Variants in SPPL2B observed in about 807,000 individuals in gnomAD.
SPPL2B encodes the protein signal peptide peptidase like 2B.
A neutral mutation model predicts 59.7 loss-of-function variants in SPPL2B; 39 were observed. That is an observed-to-expected ratio of 0.65 (90% CI 0.51 to 0.85). SPPL2B has a LOEUF of 0.85. Ranked by LOEUF, SPPL2B falls within the 40% of genes least tolerant of loss-of-function variation. The probability of loss-of-function intolerance (pLI) is 0.00; values close to 1 mark genes in which losing one functional copy is unlikely to be tolerated. For missense variants in SPPL2B, 865 were observed against 849.0 expected, an observed-to-expected ratio of 1.02 and a Z score of -0.23; for synonymous variants, 419 against 370.8, an observed-to-expected ratio of 1.13 and a Z score of -1.49.
chr19:2,335,742 C>A (rs1473057303), intron 2 of SPPL2B, among the ~76,000 whole-genome samples: 2 of 151,204 alleles, frequency 1.3e-5, no homozygotes, highest in Non-Finnish European at 2.9e-5. Context: ...CGCCTCCTTT[C>A]CCACTGAGTC....
intron 1 of SPPL2B, among the ~76,000 whole-genome samples, chr19:2,334,292 G>A (rs1342784095): frequency 2.0e-5 from 3 of 152,260 alleles, no homozygotes; most frequent in Non-Finnish European, 4.4e-5. Context: ...GATCCTGGGA[G>A]GCCCAGGAGG....
chr19:2,335,905 A>G (rs1968572241), intron 2 of SPPL2B, among the ~76,000 whole-genome samples: 1 of 152,190 alleles, frequency 6.6e-6, no homozygotes, highest in Non-Finnish European at 1.5e-5. Context: ...GGACATGCTC[A>G]TGTGTCTGCA....
In SPPL2B at chr19:2,328,729, C is replaced by T. The variant is rs1172788367; in HGVS notation, c.20C>T (p.Ala7Val). The change falls in exon 1 of 15, where the codon GCT (alanine) becomes GTT (valine). Residue 7 changes from alanine (A) to valine (V), a missense_variant. Ala to Val is a moderately conservative substitution (Grantham distance 64). Coordinates refer to ENST00000613503, the MANE Select transcript of SPPL2B (RefSeq NM_152988.3). ...GCCGACATGGCGGCAGCGGTGGCGG[C>T]TGCGCTGGCGCGGCTTTTGGCGGCC... MAAAVAAALARLLAAFL... is the reference protein window; with the variant it reads MAAAVAVALARLLAAFL... 13 of 1,457,692 alleles carry T rather than the reference C, an allele frequency of 8.9e-6. No individual in the cohort carries two copies. The highest frequency in any genetic ancestry group is 3.0e-5 in the African/African-American group (2 of 67,132). The allele number at this position is 1,457,692 out of a possible 1,614,324, so 90.3% of individuals were successfully genotyped here.
intron 8 of SPPL2B, chr19:2,341,383 AG>A (rs113430469): frequency 2.7e-4 from 129 of 480,726 alleles, no homozygotes; most frequent in African/African-American, 1.9e-3. Context: ...TTCGAGGCCC[AG>A]GGTGTGGGCA....
intron 2 of SPPL2B, among the ~76,000 whole-genome samples, chr19:2,336,326 T>C (rs1257044588): frequency 6.6e-6 from 1 of 151,800 alleles, no homozygotes; most frequent in Non-Finnish European, 1.5e-5. Flanking sequence ...AGCTACATAA[T>C]AGTTATGTTT....
chr19:2,349,822 G>C (rs1969788113), intron 13 of SPPL2B, among the ~76,000 whole-genome samples: 2 of 126,662 alleles, frequency 1.6e-5, no homozygotes, highest in Non-Finnish European at 3.3e-5. Context: ...GCTTGACTCT[G>C]TTCTCTCTCT....
chr19:2,339,728 G>A (rs1968899270), intron 5 of SPPL2B, 96 bp from the exon 6 acceptor site: 2 of 1,461,834 alleles, frequency 1.4e-6, no homozygotes, highest in African/African-American at 2.8e-5. Context: ...CCTGCTCCCG[G>A]GTTTTCTGCC....
In SPPL2B at chr19:2,354,393, C is replaced by G. The variant is rs542813961; in HGVS notation, c.*1184C>G. The G allele has an allele frequency of 6.6e-6, 1 of 152,464 alleles. No individual in the cohort carries two copies. Among genetic ancestry groups the G allele is most frequent in the African/African-American group, 2.4e-5 (1 of 41,578 alleles). The allele number at this position is 152,464 out of a possible 1,614,324, so 9.4% of individuals were successfully genotyped here. On this transcript the variant is annotated 3_prime_UTR_variant, in exon 15 of 15. Coordinates refer to ENST00000613503, the MANE Select transcript of SPPL2B (RefSeq NM_152988.3). The stretch of plus-strand genomic sequence containing the variant: ...GCAGCGCTCCCTGTGGCCGCAGAGA[C>G]AGAGCCCGCACCCTGGCTGTCTGTG...
At chr19:2,343,046 G>A in intron 8 of SPPL2B, 165 bp from the exon 9 acceptor site, 1 of 623,972 alleles carries the variant, frequency 1.6e-6, no homozygotes, top group Non-Finnish European at 2.9e-6. Flanking sequence ...AACAGCAGGG[G>A]TCCTCCCACA....
rs572131156 is a variant in SPPL2B, at chr19:2,328,763, C to T, written c.54C>T (p.Leu18=). 1.9e-5 allele frequency: 28 copies of T among 1,459,870 alleles called. 1 individual carries two copies. In the African/African-American group the frequency reaches 3.6e-4, roughly 19 times the overall value. 90.4% of individuals were successfully genotyped at this position (1,459,870 alleles called of 1,614,324 possible). A position where few individuals can be genotyped will look rare whatever the true frequency, so the allele number is the denominator to read the frequency against. ...ALARLLAAFL[L]LAAQVACEYG... Reference sequence around the variant, plus strand: ...CGCGGCTTTTGGCGGCCTTTCTGCTCCTCGCGGCCCAGGTGAGCGCGGCAC... The same window carrying T: ...CGCGGCTTTTGGCGGCCTTTCTGCTTCTCGCGGCCCAGGTGAGCGCGGCAC... The change falls in exon 1 of 15, where the codon CTC becomes CTT. Residue 18 remains leucine (L), a synonymous_variant. Transcript: ENST00000613503.
rs1238393062 is a variant in SPPL2B, at chr19:2,340,190, G to T, written c.839+18G>T. On this transcript the variant is annotated intron_variant, in intron 7 of 14. Transcript: ENST00000613503. ...AAGTGCAGGTGAGTCTGCCCTGCTG[G>T]CCCCGACGTGCCTGACTCTGTGCGG... is the stretch of plus-strand genomic sequence containing the variant. 1 of 1,524,292 alleles carries T rather than the reference G, an allele frequency of 6.6e-7. No individual in the cohort carries two copies. Among genetic ancestry groups the T allele is most frequent in the South Asian group, 1.2e-5 (1 of 81,006 alleles). 94.4% of individuals were successfully genotyped at this position (1,524,292 alleles called of 1,614,324 possible). A position where few individuals can be genotyped will look rare whatever the true frequency, so the allele number is the denominator to read the frequency against.
intron 10 of SPPL2B, 77 bp downstream of exon 10, chr19:2,344,116 C>CCCCATCACCCCG: frequency 1.2e-6 from 1 of 855,254 alleles, no homozygotes; most frequent in Admixed American, 2.3e-5. Flanking sequence ...CCATCACCCC[C>CCCCATCACCCCG]CCCATCACCC....
intron 4 of SPPL2B, 30 bp downstream of exon 4, chr19:2,338,871 C>T: frequency 6.2e-7 from 1 of 1,603,194 alleles, no homozygotes; most frequent in Non-Finnish European, 8.5e-7. Flanking sequence ...GACCCACGCT[C>T]CCGAGGAGAT....
rs765228006 is a variant in SPPL2B, at chr19:2,340,960, C to T, written c.902C>T (p.Ala301Val). 26 of 1,604,236 alleles carry T rather than the reference C, an allele frequency of 1.6e-5. No homozygotes were observed. Among genetic ancestry groups the T allele is most frequent in the South Asian group, 1.2e-4 (11 of 91,062 alleles). Residue 301 changes from alanine to valine, a missense_variant, in exon 8 of 15, where the codon GCG becomes GTG. Ala to Val is a moderately conservative substitution (Grantham distance 64, BLOSUM62 0). Transcript: ENST00000613503. ...CCGCAGGCCCGTATGCTGCTCCTGG[C>T]GCTCTTCTGCGTGGCCGTCAGCGTG... ...KRPQARMLLLALFCVAVSVVW... is the reference protein window; with the variant it reads ...KRPQARMLLLVLFCVAVSVVW...
rs1970015015 is a variant in SPPL2B at position 2,353,011 on chromosome 19, T to G, written c.1581T>G (p.Ser527=). 1 of 1,611,990 alleles carries G rather than the reference T, an allele frequency of 6.2e-7. No homozygotes were observed. Among genetic ancestry groups the G allele is most frequent in the African/African-American group, 1.3e-5 (1 of 75,000 alleles). Residue 527 remains serine (S), a synonymous_variant, in exon 15 of 15, where the codon TCT becomes TCG. Coordinates refer to ENST00000613503, the MANE Select transcript of SPPL2B (RefSeq NM_152988.3). ...PADGPQPPKD[S]ATPLSPQPPS... ...ACGGCCCGCAGCCTCCCAAAGACTC[T>G]GCCACGCCACTCTCCCCGCAGCCGC...
intron 8 of SPPL2B, chr19:2,341,385 G>C (rs1261415499): frequency 2.1e-6 from 1 of 479,756 alleles, no homozygotes; most frequent in Admixed American, 2.3e-5. Context: ...CGAGGCCCAG[G>C]GTGTGGGCAC....
At chr19:2,351,396 C>A in intron 13 of SPPL2B, 38 bp from the exon 14 acceptor site, 1 of 1,537,642 alleles carries the variant, frequency 6.5e-7, no homozygotes, top group Admixed American at 1.8e-5. Context: ...GTGGCCCTGG[C>A]CTGCCTGGCT....
intron 1 of SPPL2B, 75 bp downstream of exon 1, chr19:2,328,850 G>T: frequency 8.0e-7 from 1 of 1,244,740 alleles, no homozygotes; most frequent in South Asian, 2.2e-5. Context: ...CTACGCGCAG[G>T]AACGACCCCG....
chr19:2,342,771 C>T (rs968524199), intron 8 of SPPL2B: 1 of 192,426 alleles, frequency 5.2e-6, no homozygotes, highest in Non-Finnish European at 1.1e-5. Flanking sequence ...GCCCACCATC[C>T]GGGGACAGTG....
Sources: allele counts gnomAD v4.1 joint callset (sites outside exome capture counted in the v4.1 genomes callset), GRCh38; gene constraint gnomAD v4.1.1; transcripts MANE v1.5; gene names NCBI Gene and HGNC (gene_info 2026-07-23, HGNC 2026-07-21).